Variants in ARL15 observed in about 807,000 individuals in gnomAD.
ARL15 encodes the protein ARF like GTPase 15.
A neutral mutation model predicts 25.2 loss-of-function variants in ARL15; 19 were observed. The ratio of observed to expected loss-of-function variants is 0.75; its 90% CI spans 0.53 to 1.10. ARL15 has a LOEUF of 1.10. Ranked by LOEUF, ARL15 falls within the 50% of genes least tolerant of loss-of-function variation. The pLI is 0.00. For missense variants in ARL15, 220 were observed against 246.0 expected (o/e 0.89, Z 0.71); for synonymous variants, 94 against 86.8 (o/e 1.08, Z -0.46).
chr5:53,972,566 C>T (rs702636), intron 4 of ARL15, among the ~76,000 whole-genome samples: 47,323 of 151,606 alleles, frequency 0.31, 8,583 homozygotes, highest in Middle Eastern at 0.45. Flanking sequence ...ACATTTGTTT[C>T]TTTTTTTGTA....
intron 4 of ARL15, among the ~76,000 whole-genome samples, chr5:53,929,096 G>A (rs1289636513): frequency 3.3e-5 from 5 of 150,666 alleles, no homozygotes; most frequent in African/African-American, 4.9e-5. Context: ...AGAGGGAAAC[G>A]ATTCCATTAG....
At chr5:53,887,296 ATG>A (rs1381913678) in intron 4 of ARL15, 2 of 682,794 alleles carry the variant, frequency 2.9e-6, no homozygotes, top group Non-Finnish European at 5.3e-6. Context: ...GCATGTATGT[ATG>A]TTTGTATGCA....
At chr5:53,915,394 C>T (rs1241381236) in intron 4 of ARL15, among the ~76,000 whole-genome samples, 8 of 152,146 alleles carry the variant, frequency 5.3e-5, no homozygotes, top group African/African-American at 1.9e-4. Flanking sequence ...ATAATTATAA[C>T]AAGGTATGTA....
intron 1 of ARL15, among the ~76,000 whole-genome samples, chr5:54,180,494 T>C (rs754045664): frequency 2.0e-5 from 3 of 152,192 alleles, no homozygotes; most frequent in African/African-American, 7.2e-5. Context: ...TGAAGACTTC[T>C]CCACGTTCCA....
At chr5:54,036,258 T>C (rs1463531927) in intron 4 of ARL15, among the ~76,000 whole-genome samples, 1 of 152,174 alleles carries the variant, frequency 6.6e-6, no homozygotes, top group African/African-American at 2.4e-5. Context: ...GTAAATTACA[T>C]GTTTAAAAGT....
intron 1 of ARL15, among the ~76,000 whole-genome samples, chr5:54,240,029 C>T (rs1756916654): frequency 6.6e-6 from 1 of 152,002 alleles, no homozygotes; most frequent in Non-Finnish European, 1.5e-5. Context: ...AGATCGAGAC[C>T]ATCCTGGCTA....
At chr5:53,942,256 C>T (rs1419691144) in intron 4 of ARL15, among the ~76,000 whole-genome samples, 1 of 151,986 alleles carries the variant, frequency 6.6e-6, no homozygotes, top group Non-Finnish European at 1.5e-5. Flanking sequence ...AGATGGAAAA[C>T]AATGGGGGAG....
intron 4 of ARL15, among the ~76,000 whole-genome samples, chr5:54,072,034 T>C (rs974442277): frequency 1.4e-5 from 2 of 144,774 alleles, no homozygotes; most frequent in Non-Finnish European, 3.0e-5. Flanking sequence ...TTGACTATAA[T>C]AATAATAATG....
At chr5:54,299,465 T>A (rs1214924017) in intron 1 of ARL15, among the ~76,000 whole-genome samples, 1 of 151,918 alleles carries the variant, frequency 6.6e-6, no homozygotes, top group Non-Finnish European at 1.5e-5. Context: ...AGTTTTCTAA[T>A]CTCTAAAACG....
At chr5:54,036,096 G>A (rs986749469) in intron 4 of ARL15, among the ~76,000 whole-genome samples, 9 of 151,554 alleles carry the variant, frequency 5.9e-5, no homozygotes, top group South Asian at 2.1e-4. Flanking sequence ...GTTGCAGTTA[G>A]CTAAGATCAC....
At chr5:54,224,430 T>A (rs1359903979) in intron 1 of ARL15, among the ~76,000 whole-genome samples, 1 of 152,204 alleles carries the variant, frequency 6.6e-6, no homozygotes, top group Non-Finnish European at 1.5e-5. Flanking sequence ...GACAGACACG[T>A]GCAATAGGCG....
intron 1 of ARL15, among the ~76,000 whole-genome samples, chr5:54,180,018 GAA>G (rs11336058): frequency 0.22 from 23,722 of 109,894 alleles, 2,302 homozygotes; most frequent in East Asian, 0.65. Context: ...ACTGTCTCGA[GAA>G]AAAAAAAAAA....
chr5:54,154,393 C>T, intron 3 of ARL15, 187 bp downstream of exon 3: 1 of 503,410 alleles, frequency 2.0e-6, no homozygotes, highest in Non-Finnish European at 3.5e-6. Context: ...GTTTATGTTA[C>T]TTAGAACTCT....
At chr5:53,961,814 T>C (rs1217726044) in intron 4 of ARL15, among the ~76,000 whole-genome samples, 4 of 152,224 alleles carry the variant, frequency 2.6e-5, no homozygotes, top group Non-Finnish European at 5.9e-5. Flanking sequence ...ATTAATTTAA[T>C]GTATGTCTAT....
At chr5:54,301,061 G>C (rs1758602451) in intron 1 of ARL15, among the ~76,000 whole-genome samples, 2 of 152,194 alleles carry the variant, frequency 1.3e-5, no homozygotes, top group Non-Finnish European at 2.9e-5. Context: ...CTTTAATGTT[G>C]CAGATGTTAA....
intron 1 of ARL15, among the ~76,000 whole-genome samples, chr5:54,210,769 A>G (rs1756017217): frequency 6.6e-6 from 1 of 152,238 alleles, no homozygotes; most frequent in South Asian, 2.1e-4. Context: ...ATACAAATAT[A>G]TTAGAATTGA....
chr5:53,968,509 C>A (rs1226861588), intron 4 of ARL15, among the ~76,000 whole-genome samples: 2 of 152,248 alleles, frequency 1.3e-5, no homozygotes, highest in East Asian at 1.9e-4. Context: ...CATTCACTTT[C>A]TTGATAAATT....
chr5:54,286,138 A>G (rs1467795402), intron 1 of ARL15: 2 of 152,176 alleles, frequency 1.3e-5, no homozygotes, highest in Non-Finnish European at 2.9e-5. Flanking sequence ...AACTAATTAC[A>G]AAATAAAATT....
rs183194565 is a variant in ARL15 at position 54,279,001 on chromosome 5, A to C, written c.48+31431T>G. ...ATGGATTCCTAATATGTAAAATATAAGGCTTTTTGCTCCTTAACTTCTAAG... is the reference window on the plus strand; with the variant it reads ...ATGGATTCCTAATATGTAAAATATACGGCTTTTTGCTCCTTAACTTCTAAG... On this transcript the variant is annotated intron_variant, in intron 1 of 4. Coordinates refer to ENST00000504924, the MANE Select transcript of ARL15 (RefSeq NM_019087.3). Among the ~76,000 whole-genome samples, 273 of 152,262 alleles carry C rather than the reference A, an allele frequency of 1.8e-3. 1 individual carries two copies. The highest frequency in any genetic ancestry group is 6.3e-3 in the African/African-American group (261 of 41,552).
Sources: gnomAD v4.1 joint callset for allele counts (sites outside exome capture counted in the v4.1 genomes callset) on GRCh38, gnomAD v4.1.1 for gene constraint, MANE v1.5 for transcripts, NCBI Gene and HGNC (gene_info 2026-07-23, HGNC 2026-07-21) for gene names.